Variants in CEP112 observed in about 807,000 individuals in gnomAD.
CEP112 encodes centrosomal protein of 112 kDa.
In CEP112, 127 loss-of-function variants were observed where a neutral mutation model predicts 153.0. The ratio of observed to expected loss-of-function variants is 0.83; its 90% CI spans 0.72 to 0.96. CEP112 has a LOEUF of 0.96. Among genes scored for constraint, CEP112 ranks in the 40% least tolerant of loss-of-function variants. CEP112 has a pLI of 0.00. For missense variants in CEP112, 1,089 were observed against 1,101.2 expected, an observed-to-expected ratio of 0.99 and a Z score of 0.16; for synonymous variants, 358 against 374.4, an observed-to-expected ratio of 0.96 and a Z score of 0.51.
intron 16 of CEP112, among the ~76,000 whole-genome samples, chr17:66,006,101 T>C (rs1201052118): frequency 1.3e-5 from 2 of 152,176 alleles, no homozygotes; most frequent in Non-Finnish European, 2.9e-5. Context: ...TTCAAGAGAA[T>C]ACAATAAACA....
intron 8 of CEP112, among the ~76,000 whole-genome samples, chr17:66,070,786 G>C (rs565943612): frequency 1.3e-5 from 2 of 152,142 alleles, no homozygotes; most frequent in African/African-American, 2.4e-5. Flanking sequence ...CACAATTTAA[G>C]AGAGTTAAGT....
intron 20 of CEP112, among the ~76,000 whole-genome samples, chr17:65,900,029 T>C (rs1276344531): frequency 2.6e-5 from 4 of 152,162 alleles, no homozygotes; most frequent in Non-Finnish European, 5.9e-5. Context: ...CATGAAGAGA[T>C]AGATTTTGAA....
intron 18 of CEP112, among the ~76,000 whole-genome samples, chr17:65,944,853 T>C (rs1285521847): frequency 1.3e-5 from 2 of 152,224 alleles, no homozygotes; most frequent in South Asian, 2.1e-4. Context: ...TCTGGGATTA[T>C]AGGTATGAGT....
chr17:65,916,748 C>T (rs116847967), intron 19 of CEP112, among the ~76,000 whole-genome samples: 1,838 of 151,744 alleles, frequency 0.012, 22 homozygotes, highest in Non-Finnish European at 0.021. Context: ...GGCCTCACTA[C>T]GTTGCCCAGG....
intron 21 of CEP112, among the ~76,000 whole-genome samples, chr17:65,838,878 C>G (rs1176516815): frequency 6.6e-6 from 1 of 151,936 alleles, no homozygotes; most frequent in Non-Finnish European, 1.5e-5. Context: ...CATCTACACG[C>G]CAACAAAATG....
At chr17:66,146,945 T>C (rs995805032) in intron 4 of CEP112, among the ~76,000 whole-genome samples, 7 of 152,170 alleles carry the variant, frequency 4.6e-5, no homozygotes, top group Admixed American at 2.0e-4. Context: ...CTCCTGACTA[T>C]TGCAAATAAT....
At chr17:66,181,435 T>C (rs1433102063) in intron 2 of CEP112, among the ~76,000 whole-genome samples, 1 of 152,114 alleles carries the variant, frequency 6.6e-6, no homozygotes, top group Non-Finnish European at 1.5e-5. Flanking sequence ...AAGCTCTGCC[T>C]CCCGAGTTCA....
intron 24 of CEP112, among the ~76,000 whole-genome samples, chr17:65,643,799 C>G (rs2045283264): frequency 6.6e-6 from 1 of 152,234 alleles, no homozygotes. Context: ...GGAGTCCCTT[C>G]TCCAGATTGT....
At chr17:65,660,477 T>A (rs2046328257) in intron 24 of CEP112, among the ~76,000 whole-genome samples, 3 of 35,596 alleles carry the variant, frequency 8.4e-5, no homozygotes, top group Admixed American at 8.0e-4. Flanking sequence ...CTTCCTTCCT[T>A]CCTTCCTTCC....
At chr17:66,157,973 G>A (rs768673706) in intron 4 of CEP112, among the ~76,000 whole-genome samples, 4 of 152,128 alleles carry the variant, frequency 2.6e-5, no homozygotes, top group Non-Finnish European at 4.4e-5. Context: ...ATATCAGCCA[G>A]ATCAACAAGA....
At chr17:65,953,161 T>G (rs540780751) in intron 18 of CEP112, among the ~76,000 whole-genome samples, 215 of 152,332 alleles carry the variant, frequency 1.4e-3, no homozygotes, top group Non-Finnish European at 2.7e-3. Flanking sequence ...TAATTTCTAG[T>G]TTAATTGCAT....
chr17:66,165,264 T>C (rs1012625952), intron 4 of CEP112, among the ~76,000 whole-genome samples: 13 of 151,980 alleles, frequency 8.6e-5, no homozygotes, highest in East Asian at 1.9e-4. Flanking sequence ...CATGTGGCTA[T>C]TTAAGTTAAT....
intron 6 of CEP112, among the ~76,000 whole-genome samples, chr17:66,108,255 C>G (rs937069613): frequency 1.4e-4 from 21 of 152,158 alleles, no homozygotes; most frequent in African/African-American, 4.8e-4. Flanking sequence ...ATTTCTTCAG[C>G]AATTACCCCA....
intron 24 of CEP112, among the ~76,000 whole-genome samples, chr17:65,668,559 A>G (rs1310660253): frequency 6.6e-6 from 1 of 152,126 alleles, no homozygotes; most frequent in African/African-American, 2.4e-5. Context: ...AAACTCTAAA[A>G]CCACCTGCCT....
intron 17 of CEP112, among the ~76,000 whole-genome samples, chr17:65,984,060 G>T (rs1324976683): frequency 6.6e-6 from 1 of 152,080 alleles, no homozygotes; most frequent in African/African-American, 2.4e-5. Flanking sequence ...TACAACATTT[G>T]ATGAGTAATG....
chr17:66,051,309 T>C (rs1232467072), intron 12 of CEP112, among the ~76,000 whole-genome samples: 1 of 151,082 alleles, frequency 6.6e-6, no homozygotes, highest in Non-Finnish European at 1.5e-5. Flanking sequence ...GTCATTCTTG[T>C]ATGTTTCATT....
chr17:65,962,790 T>C (rs1194732798), intron 17 of CEP112, among the ~76,000 whole-genome samples: 1 of 152,200 alleles, frequency 6.6e-6, no homozygotes, highest in East Asian at 1.9e-4. Flanking sequence ...GCTCTCTTTT[T>C]GCCTGCCGCC....
chr17:65,952,491 C>T (rs987460810), intron 18 of CEP112, among the ~76,000 whole-genome samples: 3 of 151,988 alleles, frequency 2.0e-5, no homozygotes, highest in African/African-American at 7.3e-5. Flanking sequence ...TTGTACATAC[C>T]ACATTTCATT....
At chr17:66,008,303 A>T (rs1321629575) in intron 16 of CEP112, among the ~76,000 whole-genome samples, 2 of 152,120 alleles carry the variant, frequency 1.3e-5, no homozygotes, top group Admixed American at 1.3e-4. Context: ...TATACTACAG[A>T]TTATTATTAA....
Sources: gnomAD v4.1 joint callset for allele counts (sites outside exome capture counted in the v4.1 genomes callset) on GRCh38, gnomAD v4.1.1 for gene constraint, MANE v1.5 for transcripts, NCBI Gene and HGNC (gene_info 2026-07-23, HGNC 2026-07-21) for gene names.